Variants in TENM2 observed in about 807,000 individuals in gnomAD.
TENM2 encodes teneurin-2.
TENM2 carries 52 observed loss-of-function variants against 245.2 expected under a neutral mutation model. The ratio of observed to expected loss-of-function variants is 0.21; its 90% CI spans 0.17 to 0.27. The LOEUF (loss-of-function observed/expected upper bound fraction) is 0.27. Among genes scored for constraint, TENM2 ranks in the 10% least tolerant of loss-of-function variants. The probability of loss-of-function intolerance (pLI) is 1.00; values close to 1 mark genes in which losing one functional copy is unlikely to be tolerated. For missense variants in TENM2, 3,046 were observed against 3,666.8 expected, an observed-to-expected ratio of 0.83 and a Z score of 4.37; for synonymous variants, 1,363 against 1,438.9, an observed-to-expected ratio of 0.95 and a Z score of 1.19.
At chr5:167,328,292 T>A (rs971319573) in intron 1 of TENM2, among the ~76,000 whole-genome samples, 5 of 148,062 alleles carry the variant, frequency 3.4e-5, no homozygotes, top group African/African-American at 1.3e-4. Flanking sequence ...CTGCAACCTC[T>A]GTCTCCTGGG....
At chr5:167,359,895 C>T (rs1170798829) in intron 1 of TENM2, among the ~76,000 whole-genome samples, 2 of 152,182 alleles carry the variant, frequency 1.3e-5, no homozygotes, top group Non-Finnish European at 2.9e-5. Flanking sequence ...TAGAGACCAT[C>T]ATCCTTAGCA....
chr5:167,708,233 G>GGAGA (rs10646203), intron 2 of TENM2, among the ~76,000 whole-genome samples: 325 of 149,108 alleles, frequency 2.2e-3, no homozygotes, highest in African/African-American at 7.1e-3. Flanking sequence ...AGAAAGTGAT[G>GGAGA]GAGAGAGAGA....
At chr5:167,949,781 C>T (rs1438946085) in intron 3 of TENM2, among the ~76,000 whole-genome samples, 1 of 152,132 alleles carries the variant, frequency 6.6e-6, no homozygotes, top group African/African-American at 2.4e-5. Context: ...TCCCACATTC[C>T]TCTGTATATA....
exon 13 of TENM2, chr5:168,162,654 G>A: frequency 6.2e-7 from 1 of 1,614,026 alleles, no homozygotes; most frequent in Non-Finnish European, 8.5e-7. Context: ...GATGCACACT[G>A]GGTCAGAACA....
chr5:168,064,136 C>A (rs1176403832), intron 7 of TENM2, among the ~76,000 whole-genome samples: 8 of 152,066 alleles, frequency 5.3e-5, no homozygotes, highest in Admixed American at 3.9e-4. Context: ...TGAAAGGAAT[C>A]CCTGGTGCAT....
At chr5:167,889,836 T>C (rs916744135) in intron 3 of TENM2, among the ~76,000 whole-genome samples, 8 of 151,678 alleles carry the variant, frequency 5.3e-5, no homozygotes, top group African/African-American at 1.9e-4. Context: ...TCGTGAAGAC[T>C]AAAAACTGGT....
At chr5:167,778,926 G>A (rs544854354) in intron 2 of TENM2, among the ~76,000 whole-genome samples, 14 of 152,250 alleles carry the variant, frequency 9.2e-5, no homozygotes, top group East Asian at 7.7e-4. Flanking sequence ...AGTTGTCAAC[G>A]TCTGATCTGA....
intron 21 of TENM2, among the ~76,000 whole-genome samples, chr5:168,215,582 T>G (rs1435154837): frequency 1.3e-5 from 2 of 152,120 alleles, no homozygotes; most frequent in Non-Finnish European, 2.9e-5. Flanking sequence ...GGCAGGAGAA[T>G]GGCGTGAACC....
intron 2 of TENM2, among the ~76,000 whole-genome samples, chr5:167,568,066 A>C (rs2127654381): frequency 6.6e-6 from 1 of 152,266 alleles, no homozygotes; most frequent in Middle Eastern, 3.4e-3. Context: ...AAAAAGACCT[A>C]GTAATATTAG....
At chr5:167,800,158 G>A (rs1052367869) in intron 2 of TENM2, among the ~76,000 whole-genome samples, 2 of 152,162 alleles carry the variant, frequency 1.3e-5, no homozygotes, top group Admixed American at 1.3e-4. Flanking sequence ...GCATGCATTT[G>A]TTTCTATGCA....
chr5:167,460,946 T>A (rs1028719230), intron 2 of TENM2, among the ~76,000 whole-genome samples: 1 of 152,202 alleles, frequency 6.6e-6, no homozygotes, highest in Non-Finnish European at 1.5e-5. Flanking sequence ...AATGAAATTG[T>A]AAACTCCACT....
chr5:167,542,907 A>T lies in TENM2; in HGVS notation c.502+167434A>T, dbSNP rs1048574549. Among the ~76,000 whole-genome samples, 5 of 152,262 alleles carry T rather than the reference A, an allele frequency of 3.3e-5. No individual in the cohort carries two copies. The South Asian group carries it at 1.0e-3, about 32-fold the overall frequency. ...TAGGAGCTTGTGAGTCAACTGAGCA[A>T]TTCTTCTGCTGGACTCCCCTGGGAT... is the stretch of plus-strand genomic sequence containing the variant. On this transcript the variant is annotated intron_variant, in intron 2 of 28. Coordinates refer to ENST00000518659, the Ensembl canonical transcript of TENM2.
chr5:167,694,958 A>G (rs1221251151), intron 2 of TENM2, among the ~76,000 whole-genome samples: 1 of 152,260 alleles, frequency 6.6e-6, no homozygotes, highest in East Asian at 1.9e-4. Flanking sequence ...TGAGCTGCAC[A>G]TAAGAGACAT....
chr5:167,724,288 GT>G (rs1300011133), intron 2 of TENM2, among the ~76,000 whole-genome samples: 3,146 of 143,698 alleles, frequency 0.022, 52 homozygotes, highest in African/African-American at 0.045. Flanking sequence ...TAAATTACTA[GT>G]TTTTTTTTTT....
intron 2 of TENM2, among the ~76,000 whole-genome samples, chr5:167,424,453 T>C (rs1763692832): frequency 6.6e-6 from 1 of 152,196 alleles, no homozygotes; most frequent in Admixed American, 6.5e-5. Context: ...GAAATTCTGC[T>C]CAGATTTCCA....
At chr5:166,997,018 A>G in the TENM2 span, among the ~76,000 whole-genome samples, 1 of 152,138 alleles carries the variant, frequency 6.6e-6, no homozygotes, top group Non-Finnish European at 1.5e-5. Flanking sequence ...CACACTATTG[A>G]TTCCCCCTTA....
At chr5:168,231,554 C>G (rs1764904813) in intron 25 of TENM2, among the ~76,000 whole-genome samples, 3 of 152,156 alleles carry the variant, frequency 2.0e-5, no homozygotes, top group African/African-American at 7.2e-5. Flanking sequence ...CAATGGTGAG[C>G]CCTACCTGGA....
intron 2 of TENM2, among the ~76,000 whole-genome samples, chr5:167,841,007 G>A (rs1016406204): frequency 6.6e-6 from 1 of 152,080 alleles, no homozygotes; most frequent in African/African-American, 2.4e-5. Context: ...CATCTAGGCA[G>A]GCTGTCCATT....
intron 5 of TENM2, among the ~76,000 whole-genome samples, chr5:168,012,872 A>G (rs1785357332): frequency 1.3e-5 from 2 of 150,862 alleles, no homozygotes; most frequent in South Asian, 4.2e-4. Flanking sequence ...CAACCCTGGC[A>G]TCGTTTCTGC....
Sources: allele counts gnomAD v4.1 joint callset (sites outside exome capture counted in the v4.1 genomes callset), GRCh38; gene constraint gnomAD v4.1.1; transcripts MANE v1.5; gene names NCBI Gene and HGNC (gene_info 2026-07-23, HGNC 2026-07-21).